PLA2G4E: variants seen among roughly 807,000 people sequenced by gnomAD.
PLA2G4E encodes the protein phospholipase A2 group IVE.
PLA2G4E carries 84 observed loss-of-function variants against 109.1 expected under a neutral mutation model. That is an observed-to-expected ratio of 0.77 (90% CI 0.65 to 0.92). The LOEUF is 0.92. PLA2G4E is among the 40% of genes least tolerant of loss of function. The probability of loss-of-function intolerance (pLI) is 0.00; values close to 1 mark genes in which losing one functional copy is unlikely to be tolerated. For synonymous variants in PLA2G4E, 469 were observed against 436.1 expected, an observed-to-expected ratio of 1.08 and a Z score of -0.94; for missense variants, 1,057 against 1,076.6, an observed-to-expected ratio of 0.98 and a Z score of 0.25.
chr15:42,018,385 G>C (rs2068616274), intron 1 of PLA2G4E, among the ~76,000 whole-genome samples: 1 of 152,200 alleles, frequency 6.6e-6, no homozygotes, highest in Admixed American at 6.5e-5. Context: ...CCCTAGAACA[G>C]GATGCCCTGG....
chr15:41,984,524 G>A (rs771073655), exon 19 of PLA2G4E: 1 of 1,613,938 alleles, frequency 6.2e-7, no homozygotes, highest in Admixed American at 1.7e-5. Context: ...TCTCCATCAG[G>A]TAGCATTCCT....
chr15:42,015,202 A>G (rs993010856), intron 1 of PLA2G4E, among the ~76,000 whole-genome samples: 1 of 151,916 alleles, frequency 6.6e-6, no homozygotes, highest in Non-Finnish European at 1.5e-5. Flanking sequence ...ACTCTACTTT[A>G]TCCCTTTTGG....
At position 42,004,822 on chromosome 15, in the gene PLA2G4E, G is replaced by T. The variant is rs1044139012; in HGVS notation, c.566+116C>A. 6.3e-6 allele frequency: 7 copies of T among 1,114,884 alleles called. No individual in the cohort carries two copies. The Admixed American group carries it at 1.4e-4, about 22-fold the overall frequency. The allele number at this position is 1,114,884 out of a possible 1,614,324, so 69.1% of individuals were successfully genotyped here. A position where few individuals can be genotyped will look rare whatever the true frequency, so the allele number is the denominator to read the frequency against. On this transcript the variant is annotated intron_variant, in intron 5 of 19. Coordinates refer to ENST00000399518, the Ensembl canonical transcript of PLA2G4E. The stretch of plus-strand genomic sequence containing the variant: ...TGAAGAGTCAGGGTTAGTGCCAGGA[G>T]TGAGACTGGAAGAGGGTGAGGCAGC...
chr15:41,992,159 G>A (rs1216075488), intron 13 of PLA2G4E, among the ~76,000 whole-genome samples: 1 of 152,196 alleles, frequency 6.6e-6, no homozygotes, highest in Non-Finnish European at 1.5e-5. Flanking sequence ...ACTGTAGAGA[G>A]TGTTATTGAC....
At chr15:42,000,610 G>A (rs1595564171) in intron 7 of PLA2G4E, among the ~76,000 whole-genome samples, 1 of 152,150 alleles carries the variant, frequency 6.6e-6, no homozygotes, top group Admixed American at 6.5e-5. Context: ...CAGACCCTCC[G>A]CACACTGTCG....
In PLA2G4E at chr15:41,986,125, G is replaced by A. The variant is rs1382229004; in HGVS notation, c.2036-120C>T. 10 of 1,039,134 alleles carry A rather than the reference G, an allele frequency of 9.6e-6. No homozygotes were observed. In the East Asian group the frequency reaches 1.1e-4, roughly 11 times the overall value. 64.4% of individuals were successfully genotyped at this position (1,039,134 alleles called of 1,614,324 possible). The stretch of plus-strand genomic sequence containing the variant: ...TCCTTCGCCTCAGCCTGACCAGGAC[G>A]CCCACTGAGTTCCAGTGCCCTCTGG... On this transcript the variant is annotated intron_variant, in intron 17 of 19. Transcript: ENST00000399518.
At chr15:42,023,260 G>A (rs954312503) in intron 1 of PLA2G4E, among the ~76,000 whole-genome samples, 3 of 151,750 alleles carry the variant, frequency 2.0e-5, no homozygotes, top group Non-Finnish European at 2.9e-5. Flanking sequence ...ACATGAAGAG[G>A]TCCCACAGAT....
intron 2 of PLA2G4E, 132 bp downstream of exon 2, chr15:42,013,553 C>T (rs1024819320): frequency 2.7e-5 from 22 of 803,174 alleles, no homozygotes; most frequent in Admixed American, 1.3e-4. Flanking sequence ...CACACATACA[C>T]GTATACACCA....
At chr15:42,020,250 G>T (rs562134635) in intron 1 of PLA2G4E, among the ~76,000 whole-genome samples, 1 of 152,342 alleles carries the variant, frequency 6.6e-6, no homozygotes, top group African/African-American at 2.4e-5. Context: ...CCTGGGAAAG[G>T]TAATGAGGAA....
At chr15:42,047,590 A>G (rs1310948928) in intron 1 of PLA2G4E, among the ~76,000 whole-genome samples, 5 of 152,212 alleles carry the variant, frequency 3.3e-5, no homozygotes, top group African/African-American at 7.2e-5. Flanking sequence ...TATTCAGACC[A>G]TAGCGGTGGG....
At chr15:41,990,404 C>A (rs934885985) in intron 13 of PLA2G4E, among the ~76,000 whole-genome samples, 169 bp from the exon 14 acceptor site, 1 of 152,160 alleles carries the variant, frequency 6.6e-6, no homozygotes, top group Non-Finnish European at 1.5e-5. Flanking sequence ...GAAAGGGCAC[C>A]AATGGCATAG....
intron 5 of PLA2G4E, 91 bp downstream of exon 5, chr15:42,004,846 GC>G: frequency 1.4e-6 from 2 of 1,408,610 alleles, no homozygotes; most frequent in African/African-American, 1.4e-5. Context: ...GGGTGAGGCA[GC>G]AAAAAGGCCG....
chr15:42,029,266 G>T (rs958381457), intron 1 of PLA2G4E, among the ~76,000 whole-genome samples: 1 of 151,990 alleles, frequency 6.6e-6, no homozygotes, highest in African/African-American at 2.4e-5. Flanking sequence ...GCTAATTTTT[G>T]TATTTTTTTT....
chr15:42,042,742 T>A (rs115108668), intron 1 of PLA2G4E, among the ~76,000 whole-genome samples: 1,715 of 152,302 alleles, frequency 0.011, 30 homozygotes, highest in African/African-American at 0.04. Context: ...CAGCTGGCCA[T>A]CTGCCCACCA....
At chr15:42,050,382 G>A (rs1264246272) in intron 1 of PLA2G4E, 6 of 1,014,070 alleles carry the variant, frequency 5.9e-6, no homozygotes, top group Non-Finnish European at 8.4e-6. Flanking sequence ...CAGGGTAAAG[G>A]GACTCCTCCG....
chr15:42,003,269 T>C (rs967061429), intron 5 of PLA2G4E, among the ~76,000 whole-genome samples: 1 of 152,196 alleles, frequency 6.6e-6, no homozygotes, highest in Non-Finnish European at 1.5e-5. Flanking sequence ...AACTTTATTG[T>C]TGTTGTTGAG....
chr15:41,984,690 G>A, intron 18 of PLA2G4E, 71 bp from the exon 19 acceptor site: 1 of 1,352,200 alleles, frequency 7.4e-7, no homozygotes, highest in Non-Finnish European at 9.8e-7. Context: ...AGAGTTCTTA[G>A]CCCCAGCTTC....
chr15:42,011,648 T>A (rs1222840558), intron 2 of PLA2G4E, among the ~76,000 whole-genome samples: 1 of 152,086 alleles, frequency 6.6e-6, no homozygotes, highest in African/African-American at 2.4e-5. Flanking sequence ...GAGGATCACC[T>A]GAGCCCAGGA....
intron 13 of PLA2G4E, among the ~76,000 whole-genome samples, chr15:41,992,220 G>A (rs2068260788): frequency 6.6e-6 from 1 of 152,288 alleles, no homozygotes; most frequent in South Asian, 2.1e-4. Flanking sequence ...TCTGTGCTGA[G>A]GCTGCACTTC....
Sources: gnomAD v4.1 joint callset for allele counts (sites outside exome capture counted in the v4.1 genomes callset) on GRCh38, gnomAD v4.1.1 for gene constraint, MANE v1.5 for transcripts, NCBI Gene and HGNC (gene_info 2026-07-23, HGNC 2026-07-21) for gene names.